TTN: variants seen among roughly 807,000 people sequenced by gnomAD.
TTN encodes connectin.
TTN carries 1,525 observed loss-of-function variants against 3,223.0 expected under a neutral mutation model. The ratio of observed to expected loss-of-function variants is 0.47; its 90% confidence interval spans 0.45 to 0.49. TTN has a LOEUF of 0.49. TTN is among the 20% of genes least tolerant of loss of function. The pLI is 0.00. For synonymous variants in TTN, 14,094 were observed against 15,161.0 expected, an observed-to-expected ratio of 0.93 and a Z score of 5.17; for missense variants, 40,786 against 43,424.0, an observed-to-expected ratio of 0.94 and a Z score of 5.40.
At position 178,728,483 on chromosome 2, in the gene TTN, G is replaced by A; in HGVS notation, c.19426+17C>T. On this transcript the variant is annotated intron_variant, in intron 66 of 362. Coordinates refer to ENST00000589042, the MANE Select transcript of TTN (RefSeq NM_001267550.2). ...ATACTATAAATAAGGGAAGCTGACT[G>A]GGGTGAAGATACAAACCTAGCACTC... The A allele has an allele frequency of 6.3e-7, 1 of 1,596,176 alleles. No individual in the cohort carries two copies. The highest frequency in any genetic ancestry group is 8.6e-7 in the Non-Finnish European group (1 of 1,169,136).
At position 178,704,293 on chromosome 2, in the gene TTN, C is replaced by G. The variant is rs1327825232; in HGVS notation, c.30077G>C (p.Arg10026Thr). 5.6e-6 allele frequency: 9 copies of G among 1,613,990 alleles called. No individual in the cohort carries two copies. The highest frequency in any genetic ancestry group is 7.6e-6 in the Non-Finnish European group (9 of 1,179,882). ...NVKSEWFRNG[R>T]ILKPQGRHKT... ...ATGTCTACCTTGGGGTTTAAGGATTCTGCCATTTCTGAACCATTCAGATTT... is the reference window on the plus strand; with the variant it reads ...ATGTCTACCTTGGGGTTTAAGGATTGTGCCATTTCTGAACCATTCAGATTT... The change falls in exon 106 of 363, where the codon AGA becomes ACA. Residue 10026 changes from arginine (R) to threonine (T), a missense_variant. Coordinates refer to ENST00000589042, the MANE Select transcript of TTN (RefSeq NM_001267550.2).
chr2:178,671,788 A>G (rs2154264723), intron 155 of TTN, among the ~76,000 whole-genome samples, 183 bp downstream of exon 155: 1 of 151,944 alleles, frequency 6.6e-6, no homozygotes, highest in African/African-American at 2.4e-5. Flanking sequence ...AAATATTACT[A>G]TCATCTACTA....
Position 178,698,869 on chromosome 2 carries a change from TTTGCAACAAC to T in TTN, c.30718_30727del (p.Val10240SerfsTer5). On this transcript the variant is annotated frameshift_variant, in exon 112 of 363. Coordinates refer to ENST00000589042, the MANE Select transcript of TTN (RefSeq NM_001267550.2). LOFTEE classifies it high-confidence loss of function. ...TTCACGTGGTGTCATCTCTTTGGGC[TTTGCAACAAC>T]TTTTTTGGCATCTTTCTTCACAGCC... is the stretch of plus-strand genomic sequence containing the variant. 1.3e-6 allele frequency: 2 copies of T among 1,541,578 alleles called. No homozygotes were observed. Among genetic ancestry groups the T allele is most frequent in the Non-Finnish European group, 1.7e-6 (2 of 1,144,988 alleles).
chr2:178,779,373 T>G lies in TTN; in HGVS notation c.3819A>C (p.Glu1273Asp), dbSNP rs765443634. 3.1e-6 allele frequency: 5 copies of G among 1,607,544 alleles called. No homozygotes were observed. The African/African-American group carries it at 6.7e-5, about 21-fold the overall frequency. ...IKTTLEELLE[E>D]DGEEKMAVDI... Reference sequence around the variant, plus strand: ...CAACTGCCATCTTTTCTTCTCCATCTTCTTCAAGAAGTTCTTCTAATGTAG... The same window carrying G: ...CAACTGCCATCTTTTCTTCTCCATCGTCTTCAAGAAGTTCTTCTAATGTAG... The change falls in exon 23 of 363, where the codon GAA becomes GAC. Residue 1273 changes from glutamate (E) to aspartate (D), a missense_variant. Transcript: ENST00000589042.
At chr2:178,754,125 T>G (rs2086314014) in intron 46 of TTN, 1 of 152,144 alleles carries the variant, frequency 6.6e-6, no homozygotes, top group Admixed American at 6.6e-5. Flanking sequence ...AGGCAGCATG[T>G]TAGTCATGAA....
intron 13 of TTN, among the ~76,000 whole-genome samples, chr2:178,786,541 G>A (rs1236069227): frequency 6.6e-6 from 1 of 152,080 alleles, no homozygotes; most frequent in African/African-American, 2.4e-5. Context: ...CATTTAGTCT[G>A]GTATTAATGC....
At position 178,611,919 on chromosome 2, in the gene TTN, C is replaced by T. The variant is rs200835354; in HGVS notation, c.50390G>A (p.Arg16797His). Residue 16797 changes from arginine to histidine, a missense_variant, in exon 268 of 363, where the codon CGT becomes CAT. Physicochemically the swap from Arg to His is conservative, Grantham distance 29 (BLOSUM62 0). Transcript: ENST00000589042. Reference protein sequence around the residue: ...VIEKKERLGTRWVKAGKTAGP... With the variant: ...VIEKKERLGTHWVKAGKTAGP... ...TGCAGTCTTTCCAGCTTTCACCCAACGGGTACCTAACCTTTCTTTCTTCTC... is the reference window on the plus strand; with the variant it reads ...TGCAGTCTTTCCAGCTTTCACCCAATGGGTACCTAACCTTTCTTTCTTCTC... The T allele has an allele frequency of 1.0e-4, 164 of 1,612,388 alleles. No homozygotes were observed. The highest frequency in any genetic ancestry group is 3.3e-4 in the Middle Eastern group (2 of 6,066).
At chr2:178,689,747 TA>T in intron 122 of TTN, 65 bp downstream of exon 122, 1 of 1,509,748 alleles carries the variant, frequency 6.6e-7, no homozygotes, top group Non-Finnish European at 9.0e-7. Context: ...AATGAACAGA[TA>T]ATTAAACACA....
chr2:178,675,540 A>G (rs532872303), intron 149 of TTN, 131 bp downstream of exon 149: 15 of 722,464 alleles, frequency 2.1e-5, no homozygotes, highest in African/African-American at 1.8e-4. Flanking sequence ...ACTTGGGTGC[A>G]AAAGAGTCAG....
rs879183167 is a variant in TTN at position 178,544,337 on chromosome 2, T to C, written c.95892A>G (p.Thr31964=). The C allele has an allele frequency of 1.9e-6, 3 of 1,613,808 alleles. No individual in the cohort carries two copies. Among genetic ancestry groups the C allele is most frequent in the Non-Finnish European group, 2.5e-6 (3 of 1,179,750 alleles). Residue 31964 remains threonine, a synonymous_variant, in exon 345 of 363, where the codon ACA becomes ACG. Transcript: ENST00000589042. ...DQWYRVHTNA[T]IRNTEFTVPD... is the part of the protein sequence containing the mutation. ...GCACAGTGAATTCAGTATTTCTTAT[T>C]GTGGCATTGGTATGCACTCGGTACC...
intron 72 of TTN, 52 bp from the exon 73 acceptor site, chr2:178,724,195 C>T: frequency 6.3e-7 from 1 of 1,582,070 alleles, no homozygotes. Context: ...ATAGAAGAGA[C>T]TTGAAAGAAG....
chr2:178,646,878 A>T (rs1027894227), intron 215 of TTN, among the ~76,000 whole-genome samples, 186 bp downstream of exon 215: 1 of 152,006 alleles, frequency 6.6e-6, no homozygotes, highest in Non-Finnish European at 1.5e-5. Context: ...ATTACCAACA[A>T]CAGTAACTAA....
chr2:178,550,383 T>C (rs1208559236), intron 336 of TTN, 110 bp from the exon 337 acceptor site: 1 of 870,454 alleles, frequency 1.1e-6, no homozygotes, highest in Non-Finnish European at 1.7e-6. Context: ...TAGTGACTTC[T>C]ACTGTGCTAC....
intron 311 of TTN, 25 bp from the exon 312 acceptor site, chr2:178,583,931 C>T (rs1225907566): frequency 1.7e-5 from 26 of 1,495,026 alleles, no homozygotes; most frequent in Non-Finnish European, 2.2e-5. Context: ...GGTACACTCA[C>T]CATTTATCTT....
At position 178,611,576 on chromosome 2, in the gene TTN, T is replaced by C. The variant is rs1405647586; in HGVS notation, c.50653A>G (p.Ile16885Val). 5.0e-6 allele frequency: 8 copies of C among 1,613,060 alleles called. No homozygotes were observed. The highest frequency in any genetic ancestry group is 6.8e-6 in the Non-Finnish European group (8 of 1,179,338). Residue 16885 changes from isoleucine (I) to valine (V), a missense_variant, in exon 269 of 363, where the codon ATA (isoleucine) becomes GTA (valine). Transcript: ENST00000589042. Reference protein sequence around the residue: ...PPEKNGGSPIIGYHVEMCPVG... With the variant: ...PPEKNGGSPIVGYHVEMCPVG... ...GGACACATTTCAACATGGTATCCTATGATAGGACTTCCACCATTTTTCTCT... is the reference window on the plus strand; with the variant it reads ...GGACACATTTCAACATGGTATCCTACGATAGGACTTCCACCATTTTTCTCT...
rs1430701918 is a variant in TTN at position 178,611,687 on chromosome 2, G to T, written c.50552-10C>A. 4 of 1,612,446 alleles carry T rather than the reference G, an allele frequency of 2.5e-6. No individual in the cohort carries two copies. On this transcript the variant is annotated splice_polypyrimidine_tract_variant and intron_variant, in intron 268 of 362. Coordinates refer to ENST00000589042, the MANE Select transcript of TTN (RefSeq NM_001267550.2). ...GGTGGTGAGGGAGGACCTGAGAAAA[G>T]AGTGAAATATTCATATCCACAGTCT...
Position 178,727,879 on chromosome 2 carries a change from G to C in TTN, c.19715-16C>G, listed in dbSNP as rs1027256053. ...CTTGGTGGTTCTATAGATTTTAAGA[G>C]AGATATATTTAATTAAATTGCTTGC... On this transcript the variant is annotated splice_polypyrimidine_tract_variant and intron_variant, in intron 67 of 362. Transcript: ENST00000589042. 9.8e-6 allele frequency: 15 copies of C among 1,536,562 alleles called. No individual in the cohort carries two copies. The highest frequency in any genetic ancestry group is 1.2e-5 in the Non-Finnish European group (14 of 1,146,624).
Position 178,589,870 on chromosome 2 carries a change from CA to C in TTN, c.61854del (p.Ile20618MetfsTer10), listed in dbSNP as rs2049839144. ...YRKPNQKGWS[I>X]VASDVTKRLI... is the part of the protein sequence containing the mutation. ...AATCGTTTAGTGACATCTGATGCAA[CA>C]ATTGACCAGCCTTTCTGGTTTGGTT... On this transcript the variant is annotated frameshift_variant, in exon 304 of 363. Transcript: ENST00000589042. LOFTEE classifies it high-confidence loss of function. 1 of 1,613,302 alleles carries C rather than the reference CA, an allele frequency of 6.2e-7. No homozygotes were observed. Among genetic ancestry groups the C allele is most frequent in the Non-Finnish European group, 8.5e-7 (1 of 1,179,608 alleles).
In TTN at chr2:178,569,085, T is replaced by A. The variant is rs375611562; in HGVS notation, c.77047A>T (p.Ile25683Phe). ...TCAGCAGTCTGGGCAGGAAGGCCAA[T>A]ACCATACTCATTCTCAGCTGTGACT... is the stretch of plus-strand genomic sequence containing the variant. ...FRVTAENEYG[I>F]GLPAQTADPI... Residue 25683 changes from isoleucine (I) to phenylalanine (F), a missense_variant, in exon 326 of 363, where the codon ATT becomes TTT. Transcript: ENST00000589042. The A allele has an allele frequency of 1.2e-6, 2 of 1,613,418 alleles. No homozygotes were observed. Among genetic ancestry groups the A allele is most frequent in the Middle Eastern group, 1.7e-4 (1 of 6,054 alleles).
Sources: gnomAD v4.1 joint callset for allele counts (sites outside exome capture counted in the v4.1 genomes callset) on GRCh38, gnomAD v4.1.1 for gene constraint, MANE v1.5 for transcripts, NCBI Gene and HGNC (gene_info 2026-07-23, HGNC 2026-07-21) for gene names.